Variants in DCC observed in about 807,000 individuals in gnomAD.
DCC encodes the protein DCC netrin 1 receptor, also known as netrin receptor DCC.
DCC carries 58 observed loss-of-function variants against 172.5 expected under a neutral mutation model. The ratio of observed to expected loss-of-function variants is 0.34; its 90% CI spans 0.27 to 0.42. DCC has a LOEUF of 0.42. Ranked by LOEUF, DCC falls within the 10% of genes least tolerant of loss-of-function variation. DCC has a pLI of 1.00. For missense variants in DCC, 1,740 were observed against 1,791.0 expected, an observed-to-expected ratio of 0.97 and a Z score of 0.51; for synonymous variants, 709 against 644.5, an observed-to-expected ratio of 1.10 and a Z score of -1.52.
At chr18:53,016,081 A>C (rs903111106) in intron 5 of DCC, among the ~76,000 whole-genome samples, 1 of 152,230 alleles carries the variant, frequency 6.6e-6, no homozygotes, top group East Asian at 1.9e-4. Context: ...TTGAGAATAC[A>C]TATGTCCTCC....
intron 5 of DCC, among the ~76,000 whole-genome samples, chr18:53,010,054 C>T (rs1406142279): frequency 1.3e-5 from 2 of 151,990 alleles, no homozygotes; most frequent in Non-Finnish European, 2.9e-5. Context: ...AGACCCACTC[C>T]TGTGATCTTG....
chr18:52,918,941 CA>C (rs1277503947), intron 3 of DCC, among the ~76,000 whole-genome samples: 1 of 152,096 alleles, frequency 6.6e-6, no homozygotes, highest in African/African-American at 2.4e-5. Flanking sequence ...TGACTCAAAA[CA>C]GTAATGATTT....
intron 2 of DCC, among the ~76,000 whole-genome samples, chr18:52,830,267 A>G (rs1568130723): frequency 6.6e-6 from 1 of 151,966 alleles, no homozygotes; most frequent in Middle Eastern, 3.4e-3. Flanking sequence ...ACTTTCTTAA[A>G]ACATTTTAGA....
intron 1 of DCC, among the ~76,000 whole-genome samples, chr18:52,508,203 T>C (rs943420362): frequency 2.0e-5 from 3 of 152,210 alleles, no homozygotes; most frequent in Non-Finnish European, 4.4e-5. Context: ...TTTTCTGTTA[T>C]GTCTCATTCT....
intron 1 of DCC, among the ~76,000 whole-genome samples, chr18:52,689,608 A>G (rs2035898337): frequency 6.6e-6 from 1 of 152,158 alleles, no homozygotes; most frequent in African/African-American, 2.4e-5. Context: ...CTTAATAAAT[A>G]CAGGGTAGCT....
At chr18:53,273,269 G>C (rs1027066243) in intron 12 of DCC, among the ~76,000 whole-genome samples, 2 of 151,942 alleles carry the variant, frequency 1.3e-5, no homozygotes, top group Non-Finnish European at 1.5e-5. Flanking sequence ...AATTATACAT[G>C]AGCCTCTGAA....
chr18:53,218,681 T>C (rs891340809), intron 12 of DCC, among the ~76,000 whole-genome samples: 8 of 152,134 alleles, frequency 5.3e-5, no homozygotes, highest in African/African-American at 1.9e-4. Flanking sequence ...CATACTAAAA[T>C]TTTGTTACAA....
chr18:52,820,145 G>T (rs1393146747), intron 2 of DCC, among the ~76,000 whole-genome samples: 1 of 152,140 alleles, frequency 6.6e-6, no homozygotes, highest in Non-Finnish European at 1.5e-5. Context: ...AGTAGACTTA[G>T]ATACAGCAGT....
rs188050968 is a variant in DCC at position 52,415,525 on chromosome 18, G to A, written c.91+74647G>A. Among the ~76,000 whole-genome samples the A allele has an allele frequency of 9.1e-4, 139 of 152,282 alleles. 3 individuals are homozygous for A. The East Asian group carries it at 0.021, about 24-fold the overall frequency. On this transcript the variant is annotated intron_variant, in intron 1 of 28. Transcript: ENST00000442544. ...AAGGTGGCAGGCACCTTGCCCTCAAGGAGTTTGTAATCTAGAGGAGGGAGG... is the reference window on the plus strand; with the variant it reads ...AAGGTGGCAGGCACCTTGCCCTCAAAGAGTTTGTAATCTAGAGGAGGGAGG...
At chr18:53,153,524 G>T (rs940216329) in intron 7 of DCC, among the ~76,000 whole-genome samples, 1 of 152,102 alleles carries the variant, frequency 6.6e-6, no homozygotes, top group Admixed American at 6.6e-5. Context: ...CTTCTTTAAA[G>T]TGGTCTCCGA....
At chr18:53,489,939 CA>C (rs2045942453) in intron 26 of DCC, among the ~76,000 whole-genome samples, 1 of 152,104 alleles carries the variant, frequency 6.6e-6, no homozygotes, top group Non-Finnish European at 1.5e-5. Flanking sequence ...AAACTTCAAC[CA>C]ATAGATAGTC....
At chr18:52,680,085 C>T (rs546594069) in intron 1 of DCC, among the ~76,000 whole-genome samples, 1 of 151,996 alleles carries the variant, frequency 6.6e-6, no homozygotes, top group African/African-American at 2.4e-5. Flanking sequence ...CTTAGAGAGG[C>T]GTAGATTCAT....
chr18:53,122,023 G>C (rs1348024927), intron 7 of DCC, among the ~76,000 whole-genome samples: 1 of 151,978 alleles, frequency 6.6e-6, no homozygotes, highest in Non-Finnish European at 1.5e-5. Context: ...GTGCCTAACA[G>C]CAACGTTGTA....
intron 1 of DCC, among the ~76,000 whole-genome samples, chr18:52,368,851 T>G (rs1984991673): frequency 6.6e-6 from 1 of 152,190 alleles, no homozygotes; most frequent in Admixed American, 6.5e-5. Context: ...CTGCTAGTCC[T>G]GCTTATGTCC....
intron 12 of DCC, among the ~76,000 whole-genome samples, chr18:53,290,568 T>G (rs1484782625): frequency 2.0e-5 from 3 of 152,122 alleles, no homozygotes; most frequent in African/African-American, 7.2e-5. Context: ...GTTTCAGAGA[T>G]TAATTACTTA....
intron 1 of DCC, among the ~76,000 whole-genome samples, chr18:52,662,229 C>T (rs1040644250): frequency 2.0e-5 from 3 of 152,078 alleles, no homozygotes; most frequent in Non-Finnish European, 2.9e-5. Flanking sequence ...CGGATAGATC[C>T]GATGCTACTG....
At chr18:52,408,629 T>C (rs1986738303) in intron 1 of DCC, among the ~76,000 whole-genome samples, 1 of 152,120 alleles carries the variant, frequency 6.6e-6, no homozygotes, top group Non-Finnish European at 1.5e-5. Context: ...GATGTATAGT[T>C]TGTTATTTTA....
At chr18:52,951,297 G>A (rs771664991) in intron 5 of DCC, among the ~76,000 whole-genome samples, 1 of 152,072 alleles carries the variant, frequency 6.6e-6, no homozygotes, top group South Asian at 2.1e-4. Context: ...TTAAAATCTG[G>A]AATGCATGTG....
At chr18:53,528,252 C>A (rs953436534) in intron 28 of DCC, among the ~76,000 whole-genome samples, 1 of 151,856 alleles carries the variant, frequency 6.6e-6, no homozygotes, top group Non-Finnish European at 1.5e-5. Context: ...AATATTTTAA[C>A]GACATAGAGA....
Sources: allele counts gnomAD v4.1 joint callset (sites outside exome capture counted in the v4.1 genomes callset), GRCh38; gene constraint gnomAD v4.1.1; transcripts MANE v1.5; gene names NCBI Gene and HGNC (gene_info 2026-07-23, HGNC 2026-07-21).